MAGI2: variants seen among roughly 807,000 people sequenced by gnomAD.
MAGI2 encodes membrane associated guanylate kinase, WW and PDZ domain containing 2.
In MAGI2, 35 loss-of-function variants were observed where a neutral mutation model predicts 133.3. The observed-to-expected ratio is 0.26, with a 90% CI of 0.20 to 0.35. The LOEUF (loss-of-function observed/expected upper bound fraction) is 0.35, where lower values mean the gene tolerates loss of function less well. Among genes scored for constraint, MAGI2 ranks in the 10% least tolerant of loss-of-function variants. The pLI, the probability that MAGI2 is intolerant of heterozygous loss-of-function variation, is 1.00. For synonymous variants in MAGI2, 729 were observed against 710.6 expected (o/e 1.03, Z -0.41); for missense variants, 1,636 against 1,863.4 (o/e 0.88, Z 2.25).
At chr7:78,996,730 A>G (rs1344030784) in intron 2 of MAGI2, among the ~76,000 whole-genome samples, 1 of 152,226 alleles carries the variant, frequency 6.6e-6, no homozygotes, top group Non-Finnish European at 1.5e-5. Context: ...GATCGACTTT[A>G]AAAACTTTCC....
intron 1 of MAGI2, among the ~76,000 whole-genome samples, chr7:79,253,550 C>T (rs1192067757): frequency 2.0e-5 from 3 of 151,640 alleles, no homozygotes; most frequent in East Asian, 3.9e-4. Context: ...GGCTGAGGCA[C>T]GAGAATTACT....
intron 1 of MAGI2, among the ~76,000 whole-genome samples, chr7:79,026,914 A>G (rs1343659438): frequency 6.6e-6 from 1 of 151,884 alleles, no homozygotes; most frequent in Non-Finnish European, 1.5e-5. Context: ...CTGAATAGAC[A>G]TTTCTCAAAA....
In MAGI2 at chr7:79,172,169, A is replaced by G. The variant is rs144294737; in HGVS notation, c.302-164963T>C. Among the ~76,000 whole-genome samples the G allele has an allele frequency of 1.9e-3, 290 of 152,178 alleles. 1 individual carries two copies. The highest frequency in any genetic ancestry group is 6.6e-3 in the African/African-American group (274 of 41,560). On this transcript the variant is annotated intron_variant, in intron 1 of 21. Transcript: ENST00000354212. ...TTGAATTTAGAACTTGTGAACATGT[A>G]AAAGAGAAACAGTGGGTTATGGAAA...
At chr7:79,101,360 C>A (rs536560122) in intron 1 of MAGI2, among the ~76,000 whole-genome samples, 20 of 152,176 alleles carry the variant, frequency 1.3e-4, no homozygotes, top group Non-Finnish European at 2.4e-4. Flanking sequence ...CTTTGTTTAT[C>A]CTGACTATGT....
chr7:78,550,736 T>A (rs1584595083), intron 3 of MAGI2, among the ~76,000 whole-genome samples: 1 of 150,856 alleles, frequency 6.6e-6, no homozygotes, highest in African/African-American at 2.4e-5. Context: ...ATACTGTTAG[T>A]GTTGAGCATC....
At chr7:79,023,857 T>C (rs962776353) in intron 1 of MAGI2, among the ~76,000 whole-genome samples, 8 of 151,856 alleles carry the variant, frequency 5.3e-5, no homozygotes, top group African/African-American at 1.9e-4. Flanking sequence ...AATGGAAAAA[T>C]ATTCCATGCT....
intron 9 of MAGI2, among the ~76,000 whole-genome samples, chr7:78,298,900 C>T (rs1797575428): frequency 6.9e-6 from 1 of 144,722 alleles, no homozygotes; most frequent in Non-Finnish European, 1.5e-5. Context: ...ACTGCAACCT[C>T]TGCCTCCCAG....
At chr7:78,458,374 T>C (rs1789575006) in intron 6 of MAGI2, among the ~76,000 whole-genome samples, 1 of 151,994 alleles carries the variant, frequency 6.6e-6, no homozygotes, top group African/African-American at 2.4e-5. Flanking sequence ...GTTCTAATAT[T>C]TTCAACACCA....
intron 3 of MAGI2, among the ~76,000 whole-genome samples, chr7:78,537,722 T>C (rs549450134): frequency 6.6e-6 from 1 of 152,310 alleles, no homozygotes; most frequent in African/African-American, 2.4e-5. Flanking sequence ...TTCCTTGTAG[T>C]TCCTTGTAGA....
chr7:78,572,836 A>AT (rs1177769316), intron 3 of MAGI2, among the ~76,000 whole-genome samples: 1 of 150,496 alleles, frequency 6.6e-6, no homozygotes, highest in Non-Finnish European at 1.5e-5. Context: ...CTAATTTTGT[A>AT]TTTTTAATAG....
At chr7:78,250,367 G>T (rs1184988307) in intron 10 of MAGI2, among the ~76,000 whole-genome samples, 2 of 152,030 alleles carry the variant, frequency 1.3e-5, no homozygotes, top group African/African-American at 2.4e-5. Flanking sequence ...ACACAACATA[G>T]TAAAATTTAT....
At chr7:78,859,190 C>A (rs1793935628) in intron 2 of MAGI2, among the ~76,000 whole-genome samples, 1 of 152,064 alleles carries the variant, frequency 6.6e-6, no homozygotes, top group Admixed American at 6.6e-5. Flanking sequence ...TCACTCTTTA[C>A]CCAATTTGCC....
intron 20 of MAGI2, among the ~76,000 whole-genome samples, chr7:78,115,705 G>T (rs1819800249): frequency 6.6e-6 from 1 of 152,122 alleles, no homozygotes; most frequent in Non-Finnish European, 1.5e-5. Context: ...AGCTCTTCAG[G>T]CTGGGTGTGT....
At chr7:79,189,374 T>C (rs1238138468) in intron 1 of MAGI2, among the ~76,000 whole-genome samples, 1 of 151,330 alleles carries the variant, frequency 6.6e-6, no homozygotes, top group African/African-American at 2.4e-5. Flanking sequence ...TCTTTGATTA[T>C]GGATGGGAAT....
intron 2 of MAGI2, among the ~76,000 whole-genome samples, chr7:78,924,139 AAC>A (rs1351939993): frequency 6.6e-6 from 1 of 152,178 alleles, no homozygotes; most frequent in Non-Finnish European, 1.5e-5. Flanking sequence ...GTCGTCTGCA[AAC>A]AGGGACAATT....
At chr7:78,895,883 A>G (rs1253520013) in intron 2 of MAGI2, among the ~76,000 whole-genome samples, 1 of 152,206 alleles carries the variant, frequency 6.6e-6, no homozygotes, top group Non-Finnish European at 1.5e-5. Flanking sequence ...TAACTTTATA[A>G]CCCTTCTAAA....
At chr7:79,152,139 T>C (rs1424145982) in intron 1 of MAGI2, among the ~76,000 whole-genome samples, 1 of 152,176 alleles carries the variant, frequency 6.6e-6, no homozygotes, top group Non-Finnish European at 1.5e-5. Flanking sequence ...GAAAAGAGAA[T>C]GTTCAACTGC....
chr7:78,332,465 G>A (rs866536482), intron 9 of MAGI2, among the ~76,000 whole-genome samples: 4 of 152,192 alleles, frequency 2.6e-5, no homozygotes, highest in Non-Finnish European at 4.4e-5. Context: ...TCGGGAGGCC[G>A]AGGCGGGAGG....
chr7:79,096,614 G>A (rs1584920022), intron 1 of MAGI2, among the ~76,000 whole-genome samples: 1 of 152,130 alleles, frequency 6.6e-6, no homozygotes, highest in Admixed American at 6.5e-5. Flanking sequence ...ATGTTTTCAA[G>A]AATTTAAAAC....
Sources: gnomAD v4.1 joint callset for allele counts (sites outside exome capture counted in the v4.1 genomes callset) on GRCh38, gnomAD v4.1.1 for gene constraint, MANE v1.5 for transcripts, NCBI Gene and HGNC (gene_info 2026-07-23, HGNC 2026-07-21) for gene names.